The following KRT14 variants were observed in gnomAD, a reference collection of about 807,000 sequenced individuals.
KRT14 encodes keratin 14.
In KRT14, 30 loss-of-function variants were observed where a neutral mutation model predicts 44.5. The observed-to-expected ratio is 0.67, with a 90% CI of 0.50 to 0.92. The LOEUF (loss-of-function observed/expected upper bound fraction) is 0.92. Ranked by LOEUF, KRT14 falls within the 40% of genes least tolerant of loss-of-function variation. The pLI, the probability that KRT14 is intolerant of heterozygous loss-of-function variation, is 0.00. For missense variants in KRT14, 535 were observed against 640.6 expected, an observed-to-expected ratio of 0.84 and a Z score of 1.78; for synonymous variants, 241 against 257.6, an observed-to-expected ratio of 0.94 and a Z score of 0.62.
intron 2 of KRT14, among the ~76,000 whole-genome samples, chr17:41,584,636 G>A (rs1215901496): frequency 6.6e-6 from 1 of 152,190 alleles, no homozygotes; most frequent in Non-Finnish European, 1.5e-5. Flanking sequence ...GAAATCAGGA[G>A]GGGGTTGCAC....
At chr17:41,582,649 T>C in intron 7 of KRT14, 117 bp from the exon 8 acceptor site, 1 of 785,186 alleles carries the variant, frequency 1.3e-6, no homozygotes, top group Non-Finnish European at 2.2e-6. Flanking sequence ...CCCTCTCCCC[T>C]GATTACTGCT....
At chr17:41,583,984 A>G in intron 3 of KRT14, 63 bp from the exon 4 acceptor site, 1 of 1,533,440 alleles carries the variant, frequency 6.5e-7, no homozygotes, top group Non-Finnish European at 8.9e-7. Context: ...GGTGTTCCTT[A>G]GGCCTGAATA....
Position 41,583,785 on chromosome 17 carries a change from T to C in KRT14, c.902A>G (p.Asp301Gly). The C allele has an allele frequency of 6.2e-7, 1 of 1,614,266 alleles. No individual in the cohort carries two copies. The highest frequency in any genetic ancestry group is 8.5e-7 in the Non-Finnish European group (1 of 1,180,048). The change falls in exon 4 of 8, where the codon GAT (aspartate) becomes GGT (glycine). Residue 301 changes from aspartate to glycine, a missense_variant. Physicochemically the swap from Asp to Gly is moderately conservative, Grantham distance 94. Transcript: ENST00000167586. ...CTTGGTGAAGAACCATTCCTCGGCATCCTTGCGGTTCTTCTCTGCCATCTT... is the reference window on the plus strand; with the variant it reads ...CTTGGTGAAGAACCATTCCTCGGCACCCTTGCGGTTCTTCTCTGCCATCTT... The part of the protein sequence containing the change: ...YEKMAEKNRK[D>G]AEEWFFTKTE...
intron 3 of KRT14, 148 bp from the exon 4 acceptor site, chr17:41,584,069 C>CTTTTTTTTTTTTT: frequency 9.9e-6 from 3 of 304,050 alleles, no homozygotes; most frequent in Admixed American, 5.6e-5. Context: ...CTCTCTCTCT[C>CTTTTTTTTTTTTT]TTTTTTTTTT....
Position 41,582,448 on chromosome 17 carries a change from C to A in KRT14, c.1406G>T (p.Arg469Leu). 1 of 1,565,884 alleles carries A rather than the reference C, an allele frequency of 6.4e-7. No individual in the cohort carries two copies. Among genetic ancestry groups the A allele is most frequent in the Non-Finnish European group, 8.7e-7 (1 of 1,155,380 alleles). Residue 469 changes from arginine to leucine, a missense_variant, in exon 8 of 8, where the codon CGC (arginine) becomes CTC (leucine). Arg to Leu is a moderately radical substitution (Grantham distance 102, BLOSUM62 -2). Transcript: ENST00000167586. ...GGCTGGGCAGCCTCAGTTCTTGGTGCGAAGGACCTGCTCGTGGGTGGACAC... is the reference window on the plus strand; with the variant it reads ...GGCTGGGCAGCCTCAGTTCTTGGTGAGAAGGACCTGCTCGTGGGTGGACAC... ...KVVSTHEQVL[R>L]TKN
intron 7 of KRT14, 157 bp downstream of exon 7, chr17:41,582,937 T>A (rs1354604484): frequency 5.2e-6 from 4 of 763,380 alleles, no homozygotes; most frequent in Non-Finnish European, 6.8e-6. Flanking sequence ...TAAGGAGGGT[T>A]TAGAAAATAG....
Position 41,583,636 on chromosome 17 carries a change from A to G in KRT14, c.968T>C (p.Leu323Pro). The G allele has an allele frequency of 6.2e-7, 1 of 1,614,160 alleles. No homozygotes were observed. Among genetic ancestry groups the G allele is most frequent in the Non-Finnish European group, 8.5e-7 (1 of 1,180,030 alleles). Residue 323 changes from leucine (L) to proline (P), a missense_variant, in exon 5 of 8, where the codon CTG becomes CCG. Leu to Pro is a moderately conservative substitution (Grantham distance 98). Coordinates refer to ENST00000167586, the MANE Select transcript of KRT14 (RefSeq NM_000526.5). ...LNREVATNSELVQSGKSEISE... is the reference protein window; with the variant it reads ...LNREVATNSEPVQSGKSEISE... Reference sequence around the variant, plus strand: ...GATCTCGCTCTTGCCGCTCTGCACCAGCTCGCTGTTGGTGGCCACCTCGCG... The same window carrying G: ...GATCTCGCTCTTGCCGCTCTGCACCGGCTCGCTGTTGGTGGCCACCTCGCG...
At chr17:41,584,451 C>T in intron 2 of KRT14, 38 bp from the exon 3 acceptor site, 1 of 1,611,678 alleles carries the variant, frequency 6.2e-7, no homozygotes, top group Non-Finnish European at 8.5e-7. Flanking sequence ...AGACACCCAT[C>T]CTGATCACAG....
Position 41,586,856 on chromosome 17 carries a change from C to T in KRT14, c.-22G>A, listed in dbSNP as rs542727743. 3.3e-5 allele frequency: 52 copies of T among 1,566,324 alleles called. No individual in the cohort carries two copies. Among genetic ancestry groups the T allele is most frequent in the Middle Eastern group, 4.5e-4 (2 of 4,402 alleles). ...TCATGGTGCAGAGGAGGGAGGTGAGCGAGCGAGCAGTTGGCTGAGTGAAGA... is the reference window on the plus strand; with the variant it reads ...TCATGGTGCAGAGGAGGGAGGTGAGTGAGCGAGCAGTTGGCTGAGTGAAGA... On this transcript the variant is annotated 5_prime_UTR_variant, in exon 1 of 8. Transcript: ENST00000167586.
In KRT14 at chr17:41,586,568, A is replaced by G. The variant is rs1397056350; in HGVS notation, c.267T>C (p.Gly89=). The G allele has an allele frequency of 1.2e-6, 2 of 1,613,852 alleles. No individual in the cohort carries two copies. Among genetic ancestry groups the G allele is most frequent in the South Asian group, 2.2e-5 (2 of 91,052 alleles). Residue 89 remains glycine (G), a synonymous_variant, in exon 1 of 8, where the codon GGT becomes GGC. Transcript: ENST00000167586. ...CACCCAAGCCAGCACCAAGGCCACC[A>G]CCATATCCTCCCCCAAAGCCACTAC... ...SFGSGFGGGY[G]GGLGAGLGGG... is the part of the protein sequence containing the mutation.
rs751917171 is a variant in KRT14 at position 41,584,366 on chromosome 17, T to C, written c.656A>G (p.Asn219Ser). ...TTCGTCCAGCACCCTGCGCAGGCCA[T>C]TGATGTCGGCTTCCACACTCATGCG... is the stretch of plus-strand genomic sequence containing the variant. ...NLRMSVEADI[N>S]GLRRVLDELT... The change falls in exon 3 of 8, where the codon AAT (asparagine) becomes AGT (serine). Residue 219 changes from asparagine (N) to serine (S), a missense_variant. Physicochemically the swap from Asn to Ser is conservative, Grantham distance 46 (BLOSUM62 1). Transcript: ENST00000167586. The C allele has an allele frequency of 5.6e-6, 9 of 1,614,130 alleles. No individual in the cohort carries two copies. Among genetic ancestry groups the C allele is most frequent in the South Asian group, 1.1e-5 (1 of 91,078 alleles).
In KRT14 at chr17:41,583,584, G is replaced by T. The variant is rs767641928; in HGVS notation, c.1020C>A (p.Asn340Lys). 4 of 1,614,208 alleles carry T rather than the reference G, an allele frequency of 2.5e-6. No individual in the cohort carries two copies. Among genetic ancestry groups the T allele is most frequent in the Non-Finnish European group, 3.4e-6 (4 of 1,180,032 alleles). The part of the protein sequence containing the change: ...EISELRRTMQ[N>K]LEIELQSQLS... ...GCTGGGACTGCAGCTCAATCTCCAGGTTCTGCATGGTGCGCCGGAGCTCCG... is the reference window on the plus strand; with the variant it reads ...GCTGGGACTGCAGCTCAATCTCCAGTTTCTGCATGGTGCGCCGGAGCTCCG... The change falls in exon 5 of 8, where the codon AAC becomes AAA. Residue 340 changes from asparagine to lysine, a missense_variant. Physicochemically the swap from Asn to Lys is moderately conservative, Grantham distance 94 (BLOSUM62 0). Coordinates refer to ENST00000167586, the MANE Select transcript of KRT14 (RefSeq NM_000526.5).
In KRT14 at chr17:41,585,051, TGA is replaced by T; in HGVS notation, c.530_531del (p.Leu177HisfsTer14). 1 of 1,613,676 alleles carries T rather than the reference TGA, an allele frequency of 6.2e-7. No homozygotes were observed. Among genetic ancestry groups the T allele is most frequent in the Non-Finnish European group, 8.5e-7 (1 of 1,179,568 alleles). ...ACATTGGCATTGTCCACTGTGGCTG[TGA>T]GAATCTGCAGGATGGAAAAGGCACA... ...KTIEDLRNKI[L>X]TATVDNANVL... On this transcript the variant is annotated frameshift_variant, in exon 2 of 8. Transcript: ENST00000167586. LOFTEE classifies it high-confidence loss of function.
intron 7 of KRT14, 66 bp downstream of exon 7, chr17:41,583,028 G>T (rs1907383395): frequency 1.3e-6 from 2 of 1,493,854 alleles, no homozygotes; most frequent in Admixed American, 3.3e-5. Flanking sequence ...CCTAGCCAAT[G>T]CCTAGACCTG....
At position 41,583,809 on chromosome 17, in the gene KRT14, T is replaced by C. The variant is rs1314155241; in HGVS notation, c.878A>G (p.Lys293Arg). 6.2e-7 allele frequency: 1 copy of C among 1,614,246 alleles called. No homozygotes were observed. Among genetic ancestry groups the C allele is most frequent in the Non-Finnish European group, 8.5e-7 (1 of 1,180,046 alleles). The change falls in exon 4 of 8, where the codon AAG becomes AGG. Residue 293 changes from lysine (K) to arginine (R), a missense_variant. Lys to Arg is a conservative substitution (Grantham distance 26). Coordinates refer to ENST00000167586, the MANE Select transcript of KRT14 (RefSeq NM_000526.5). The part of the protein sequence containing the change: ...ILNEMRDQYE[K>R]MAEKNRKDAE... Reference sequence around the variant, plus strand: ...ATCCTTGCGGTTCTTCTCTGCCATCTTCTCATACTGGTCACGCATCTCGTT... The same window carrying C: ...ATCCTTGCGGTTCTTCTCTGCCATCCTCTCATACTGGTCACGCATCTCGTT...
chr17:41,584,208 C>T, intron 3 of KRT14, 49 bp downstream of exon 3: 1 of 1,603,394 alleles, frequency 6.2e-7, no homozygotes, highest in Non-Finnish European at 8.5e-7. Context: ...ACCACTGTAC[C>T]CAGCCTCCCT....
At position 41,586,722 on chromosome 17, in the gene KRT14, C is replaced by T. The variant is rs765150501; in HGVS notation, c.113G>A (p.Gly38Glu). The T allele has an allele frequency of 5.7e-6, 9 of 1,588,402 alleles. No individual in the cohort carries two copies. The highest frequency in any genetic ancestry group is 1.8e-5 in the Admixed American group (1 of 55,858). The change falls in exon 1 of 8, where the codon GGG becomes GAG. Residue 38 changes from glycine (G) to glutamate (E), a missense_variant. Coordinates refer to ENST00000167586, the MANE Select transcript of KRT14 (RefSeq NM_000526.5). ...GTAGGTGCTGGGGGCGCGGCAGGAC[C>T]CTCCGGCCAGGACGGAGGAGATGCG... ...SSRISSVLAG[G>E]SCRAPSTYGG...
chr17:41,586,555 C>T lies in KRT14; in HGVS notation c.280G>A (p.Ala94Thr), dbSNP rs3826550. The T allele has an allele frequency of 0.41, 660,750 of 1,613,682 alleles. 141,439 individuals are homozygous for T. The highest frequency in any genetic ancestry group is 0.49 in the Middle Eastern group (2,957 of 6,058). The change falls in exon 1 of 8, where the codon GCT (alanine) becomes ACT (threonine). Residue 94 changes from alanine to threonine, a missense_variant. Coordinates refer to ENST00000167586, the MANE Select transcript of KRT14 (RefSeq NM_000526.5). ...CCACCAAAGCCACCACCCAAGCCAG[C>T]ACCAAGGCCACCACCATATCCTCCC... ...FGGGYGGGLG[A>T]GLGGGFGGGF...
At position 41,586,298 on chromosome 17, in the gene KRT14, C is replaced by T. The variant is rs868671299; in HGVS notation, c.525+12G>A. On this transcript the variant is annotated intron_variant, in intron 1 of 7. Coordinates refer to ENST00000167586, the MANE Select transcript of KRT14 (RefSeq NM_000526.5). ...TAGCTGGAATGGTGCCTTCTGCTGC[C>T]CATTCACCCACCTTGTTCCTCAGGT... The T allele has an allele frequency of 1.2e-6, 2 of 1,612,048 alleles. No homozygotes were observed. The highest frequency in any genetic ancestry group is 2.2e-5 in the East Asian group (1 of 44,892).
Sources: gnomAD v4.1 joint callset for allele counts (sites outside exome capture counted in the v4.1 genomes callset) on GRCh38, gnomAD v4.1.1 for gene constraint, MANE v1.5 for transcripts, NCBI Gene and HGNC (gene_info 2026-07-23, HGNC 2026-07-21) for gene names.